Variants in FER observed in about 807,000 individuals in gnomAD.
FER encodes FER tyrosine kinase.
Under a neutral mutation model 111.0 loss-of-function variants are expected in FER, and 63 were observed. The ratio of observed to expected loss-of-function variants is 0.57; its 90% CI spans 0.46 to 0.70. The LOEUF is 0.70. Among genes scored for constraint, FER ranks in the 30% least tolerant of loss-of-function variants. The pLI is 0.00. For missense variants in FER, 914 were observed against 954.0 expected (o/e 0.96, Z 0.55); for synonymous variants, 327 against 313.9 (o/e 1.04, Z -0.44).
At chr5:108,884,574 A>G (rs1266976294) in intron 9 of FER, among the ~76,000 whole-genome samples, 2 of 148,222 alleles carry the variant, frequency 1.3e-5, no homozygotes, top group African/African-American at 2.5e-5. Flanking sequence ...CAGATTTTAC[A>G]TAATTTATGT....
intron 5 of FER, among the ~76,000 whole-genome samples, chr5:108,844,266 A>G (rs1761654609): frequency 6.6e-6 from 1 of 152,204 alleles, no homozygotes; most frequent in South Asian, 2.1e-4. Context: ...TTTTCTAAGA[A>G]CTGTATTTTC....
intron 17 of FER, among the ~76,000 whole-genome samples, chr5:109,119,708 A>G (rs919887585): frequency 1.3e-5 from 2 of 152,050 alleles, no homozygotes; most frequent in African/African-American, 2.4e-5. Flanking sequence ...TTGGGTGCAT[A>G]GTGTTTGTAT....
intron 17 of FER, among the ~76,000 whole-genome samples, chr5:109,157,044 C>G (rs947354761): frequency 5.3e-5 from 8 of 152,012 alleles, no homozygotes; most frequent in African/African-American, 1.9e-4. Flanking sequence ...GTTATTTCTC[C>G]TAGGCCATAA....
Position 109,188,241 on chromosome 5 carries a change from C to T in FER, c.*666C>T, listed in dbSNP as rs1759092619. 1 of 144,896 alleles carries T rather than the reference C, an allele frequency of 6.9e-6. No homozygotes were observed. Among genetic ancestry groups the T allele is most frequent in the Admixed American group, 6.8e-5 (1 of 14,640 alleles). 9.0% of individuals were successfully genotyped at this position (144,896 alleles called of 1,614,324 possible). On this transcript the variant is annotated 3_prime_UTR_variant, in exon 20 of 20. Coordinates refer to ENST00000281092, the MANE Select transcript of FER (RefSeq NM_005246.4). ...GGCACGGTGGCTCACGCCTGTAATC[C>T]CAGGCATGTAATCTCATGCCTGGGA...
chr5:108,968,556 G>A (rs55704125), intron 13 of FER, among the ~76,000 whole-genome samples: 21,219 of 152,074 alleles, frequency 0.14, 1,998 homozygotes, highest in Non-Finnish European at 0.2. Context: ...AAAATTCAGA[G>A]CCTTAAGTAC....
chr5:109,136,452 A>G (rs974375247), intron 17 of FER, among the ~76,000 whole-genome samples: 4 of 152,210 alleles, frequency 2.6e-5, no homozygotes, highest in Admixed American at 6.5e-5. Context: ...GTCTCCAAGT[A>G]TGGGTAGCAC....
At chr5:108,992,945 G>A (rs1763440765) in intron 13 of FER, among the ~76,000 whole-genome samples, 1 of 151,572 alleles carries the variant, frequency 6.6e-6, no homozygotes, top group Admixed American at 6.6e-5. Context: ...ACGATGGGCG[G>A]CCGGGCAGAG....
intron 5 of FER, among the ~76,000 whole-genome samples, chr5:108,865,349 C>T (rs1763934020): frequency 6.6e-6 from 1 of 152,094 alleles, no homozygotes; most frequent in Admixed American, 6.6e-5. Flanking sequence ...CCTCTATTTC[C>T]TTCTCCTGCC....
rs756173414 is a variant in FER at position 109,018,626 on chromosome 5, G to T, written c.1657-18796G>T. 4.9e-4 allele frequency among the ~76,000 whole-genome samples: 74 copies of T among 151,832 alleles called. 1 individual carries two copies. Among genetic ancestry groups the T allele is most frequent in the East Asian group, 1.5e-3 (8 of 5,170 alleles). On this transcript the variant is annotated intron_variant, in intron 13 of 19. Transcript: ENST00000281092. ...TCTGTAAATTGTGGTTGTGTGGTAG[G>T]TTTGTGTAGATGTTAATGGAATCAT... is the stretch of plus-strand genomic sequence containing the variant.
chr5:108,781,711 C>G (rs898392931), intron 2 of FER, among the ~76,000 whole-genome samples: 3 of 152,038 alleles, frequency 2.0e-5, no homozygotes, highest in African/African-American at 7.2e-5. Flanking sequence ...TAGCACTATC[C>G]CCGTCTCCCA....
At chr5:108,938,793 A>T (rs553268283) in intron 10 of FER, among the ~76,000 whole-genome samples, 30 of 151,984 alleles carry the variant, frequency 2.0e-4, no homozygotes, top group African/African-American at 6.3e-4. Context: ...GAAAGAGGGG[A>T]GCTTGAATTT....
chr5:108,884,512 G>GTTTTTTT (rs776345488), intron 9 of FER, among the ~76,000 whole-genome samples: 19 of 144,540 alleles, frequency 1.3e-4, no homozygotes, highest in African/African-American at 2.8e-4. Context: ...CTTATGCCTG[G>GTTTTTTT]TTTTTTTTTT....
chr5:109,105,171 T>G (rs1479429532), intron 17 of FER, among the ~76,000 whole-genome samples: 1 of 151,906 alleles, frequency 6.6e-6, no homozygotes, highest in Non-Finnish European at 1.5e-5. Flanking sequence ...TGATTTCTAA[T>G]AAGGATTACC....
Position 108,819,975 on chromosome 5 carries a change from G to A in FER, c.208-12795G>A, listed in dbSNP as rs537004911. The stretch of plus-strand genomic sequence containing the variant: ...AAAATATTGAGCTGATGGGGCCAAT[G>A]AAGGATAATCTGGAACTACAGGAAA... On this transcript the variant is annotated intron_variant, in intron 3 of 19. Coordinates refer to ENST00000281092, the MANE Select transcript of FER (RefSeq NM_005246.4). 2.9e-5 allele frequency: 29 copies of A among 985,246 alleles called. No individual in the cohort carries two copies. The African/African-American group carries it at 4.7e-4, about 16-fold the overall frequency. 61.0% of individuals were successfully genotyped at this position (985,246 alleles called of 1,614,324 possible). A position where few individuals can be genotyped will look rare whatever the true frequency, so the allele number is the denominator to read the frequency against.
chr5:109,162,037 A>G (rs1756045543), intron 17 of FER, among the ~76,000 whole-genome samples: 2 of 152,008 alleles, frequency 1.3e-5, no homozygotes, highest in South Asian at 2.1e-4. Context: ...CTTGTTGGCC[A>G]TATGTATGTT....
At chr5:108,806,457 G>T (rs1468676094) in intron 3 of FER, among the ~76,000 whole-genome samples, 2 of 152,196 alleles carry the variant, frequency 1.3e-5, no homozygotes, top group Non-Finnish European at 2.9e-5. Context: ...ACCCCAGAAT[G>T]GTAGCTATAC....
chr5:109,012,424 G>A (rs965178738), intron 13 of FER, among the ~76,000 whole-genome samples: 2 of 152,156 alleles, frequency 1.3e-5, no homozygotes, highest in East Asian at 3.8e-4. Flanking sequence ...TTTTATGTAC[G>A]TATTTTGAGG....
intron 19 of FER, 50 bp from the exon 20 acceptor site, chr5:109,187,383 T>C (rs112576652): frequency 8.2e-6 from 13 of 1,589,322 alleles, no homozygotes; most frequent in African/African-American, 8.1e-5. Context: ...GTGAACATTT[T>C]GTGTCTTACC....
At chr5:109,036,330 A>G (rs1770399531) in intron 13 of FER, among the ~76,000 whole-genome samples, 2 of 152,106 alleles carry the variant, frequency 1.3e-5, no homozygotes, top group South Asian at 4.1e-4. Context: ...GCATTTTAAA[A>G]ATCAGTGTTG....
Sources: gnomAD v4.1 joint callset for allele counts (sites outside exome capture counted in the v4.1 genomes callset) on GRCh38, gnomAD v4.1.1 for gene constraint, MANE v1.5 for transcripts, NCBI Gene and HGNC (gene_info 2026-07-23, HGNC 2026-07-21) for gene names.